The following IL1RAPL1 variants were observed in gnomAD, a reference collection of about 807,000 sequenced individuals.
IL1RAPL1 encodes interleukin-1 receptor accessory protein-like 1.
Under a neutral mutation model 48.4 loss-of-function variants are expected in IL1RAPL1, and 3 were observed. The ratio of observed to expected loss-of-function variants is 0.06; its 90% CI spans 0.03 to 0.16. IL1RAPL1 has a LOEUF of 0.16. IL1RAPL1 is among the 10% of genes least tolerant of loss of function. The probability of loss-of-function intolerance (pLI) is 1.00; values close to 1 mark genes in which losing one functional copy is unlikely to be tolerated. For synonymous variants in IL1RAPL1, 185 were observed against 187.7 expected (o/e 0.99, Z 0.12); for missense variants, 349 against 530.6 (o/e 0.66, Z 3.36).
chrX:29,267,144 C>T (rs969757781), intron 2 of IL1RAPL1, among the ~76,000 whole-genome samples: 3 of 112,208 alleles, frequency 2.7e-5, no homozygotes, highest in Admixed American at 9.5e-5. Context: ...TTTCACTATT[C>T]ACAGTGTTAA....
intron 2 of IL1RAPL1, among the ~76,000 whole-genome samples, chrX:29,184,313 T>C (rs1486472685): frequency 4.5e-5 from 5 of 111,399 alleles, no homozygotes; most frequent in African/African-American, 1.6e-4. Flanking sequence ...AAAGGCTTGA[T>C]GAGTGAATTA....
rs187257278 is a variant in IL1RAPL1 at position 28,645,340 on chromosome X, T to C, written c.-25+57293T>C. ...CCAGCCTGGGCAACAAGAGTGAAATTCCGCCTCAAAAAAAAAAAAAAAAAA... is the reference window on the plus strand; with the variant it reads ...CCAGCCTGGGCAACAAGAGTGAAATCCCGCCTCAAAAAAAAAAAAAAAAAA... On this transcript the variant is annotated intron_variant, in intron 1 of 10. Coordinates refer to ENST00000378993, the MANE Select transcript of IL1RAPL1 (RefSeq NM_014271.4). Among the ~76,000 whole-genome samples, 353 of 51,699 alleles carry C rather than the reference T, an allele frequency of 6.8e-3. 2 individuals carry two copies. The highest frequency in any genetic ancestry group is 0.028 in the African/African-American group (339 of 12,098). The allele number at this position is 51,699 out of a possible 115,157, so 44.9% of individuals were successfully genotyped here. A position where few individuals can be genotyped will look rare whatever the true frequency, so the allele number is the denominator to read the frequency against.
chrX:29,041,517 G>T (rs1926845871), intron 2 of IL1RAPL1, among the ~76,000 whole-genome samples: 1 of 111,950 alleles, frequency 8.9e-6, no homozygotes, highest in Non-Finnish European at 1.9e-5. Context: ...AAACGATGAT[G>T]TGTTGTTTTA....
At chrX:29,623,884 T>A (rs1488754175) in intron 5 of IL1RAPL1, among the ~76,000 whole-genome samples, 2 of 111,815 alleles carry the variant, frequency 1.8e-5, no homozygotes, top group Non-Finnish European at 3.8e-5. Context: ...TACATACAAT[T>A]GTCAGTGCTT....
At chrX:29,732,143 G>C (rs1465873041) in intron 6 of IL1RAPL1, among the ~76,000 whole-genome samples, 2 of 111,891 alleles carry the variant, frequency 1.8e-5, no homozygotes, top group African/African-American at 6.5e-5. Flanking sequence ...TAAGGCACAA[G>C]GAATGGCCTA....
intron 5 of IL1RAPL1, among the ~76,000 whole-genome samples, chrX:29,417,754 T>C (rs1934235300): frequency 1.8e-5 from 2 of 111,380 alleles, no homozygotes; most frequent in African/African-American, 3.3e-5. Flanking sequence ...TGTCTTCTGA[T>C]GGTAATGATA....
chrX:29,178,877 G>C (rs1405188290), intron 2 of IL1RAPL1, among the ~76,000 whole-genome samples: 32 of 111,576 alleles, frequency 2.9e-4, no homozygotes, highest in Admixed American at 2.9e-4. Context: ...GCTTGTTTTT[G>C]TCAGGTTTGT....
intron 6 of IL1RAPL1, among the ~76,000 whole-genome samples, chrX:29,800,701 T>G (rs1929853802): frequency 9.3e-6 from 1 of 107,897 alleles, no homozygotes; most frequent in Admixed American, 1.0e-4. Flanking sequence ...AAACTCATCT[T>G]TGGCCAGGCG....
At chrX:29,801,077 A>C (rs1361694398) in intron 6 of IL1RAPL1, among the ~76,000 whole-genome samples, 43 of 91,350 alleles carry the variant, frequency 4.7e-4, no homozygotes, top group African/African-American at 1.4e-3. Context: ...AAAAAAAAAA[A>C]AAACTCATCT....
rs148175586 is a variant in IL1RAPL1 at position 28,797,626 on chromosome X, A to G, written c.82+8201A>G. On this transcript the variant is annotated intron_variant, in intron 2 of 10. Transcript: ENST00000378993. ...TCCATCTCAGAACGCCTCAGCCCGG[A>G]CCTTATTGTTCATATCACTGTCAGC... is the stretch of plus-strand genomic sequence containing the variant. 5.1e-3 allele frequency among the ~76,000 whole-genome samples: 564 copies of G among 111,488 alleles called. 3 individuals are homozygous for G. Among genetic ancestry groups the G allele is most frequent in the African/African-American group, 0.017 (530 of 30,651 alleles).
At position 29,562,407 on chromosome X, in the gene IL1RAPL1, G is replaced by A. The variant is rs759350144; in HGVS notation, c.704-106023G>A. The stretch of plus-strand genomic sequence containing the variant: ...ATTGAAGAGAGACACTAGAAGGATG[G>A]ACATTTTTGGAATGTTTAACAAGTC... On this transcript the variant is annotated intron_variant, in intron 5 of 10. Transcript: ENST00000378993. Among the ~76,000 whole-genome samples, 3 of 111,009 alleles carry A rather than the reference G, an allele frequency of 2.7e-5. No individual in the cohort carries two copies. The South Asian group carries it at 1.1e-3, about 42-fold the overall frequency.
chrX:29,463,806 G>C (rs1031358268), intron 5 of IL1RAPL1, among the ~76,000 whole-genome samples: 4 of 111,384 alleles, frequency 3.6e-5, no homozygotes, highest in Admixed American at 1.9e-4. Flanking sequence ...GCTTCTACTT[G>C]GTTCTGTCTA....
chrX:29,576,908 A>AAT (rs397750002), intron 5 of IL1RAPL1, among the ~76,000 whole-genome samples: 5 of 111,083 alleles, frequency 4.5e-5, no homozygotes, highest in African/African-American at 1.6e-4. Context: ...ACAAAAAAAA[A>AAT]ATCCTCAGTA....
intron 2 of IL1RAPL1, among the ~76,000 whole-genome samples, chrX:28,914,383 C>T (rs1336662128): frequency 9.0e-6 from 1 of 111,549 alleles, no homozygotes; most frequent in Non-Finnish European, 1.9e-5. Flanking sequence ...TAGCCATCTA[C>T]CATTGAATAA....
intron 6 of IL1RAPL1, among the ~76,000 whole-genome samples, chrX:29,840,470 T>TA (rs760291982): frequency 8.9e-6 from 1 of 112,204 alleles, no homozygotes; most frequent in African/African-American, 3.2e-5. Context: ...AAACCCATTT[T>TA]AAAAAATCCC....
chrX:28,770,736 G>T lies in IL1RAPL1; in HGVS notation c.-24-18584G>T, dbSNP rs141198837. Among the ~76,000 whole-genome samples the T allele has an allele frequency of 2.6e-3, 294 of 112,089 alleles. 1 individual carries two copies. Among genetic ancestry groups the T allele is most frequent in the Non-Finnish European group, 4.2e-3 (226 of 53,237 alleles). On this transcript the variant is annotated intron_variant, in intron 1 of 10. Coordinates refer to ENST00000378993, the MANE Select transcript of IL1RAPL1 (RefSeq NM_014271.4). The stretch of plus-strand genomic sequence containing the variant: ...GAATTGTGAATGATGCATTTGATTG[G>T]TATGTTAAAGCTATCCTTTGTATGC...
intron 6 of IL1RAPL1, among the ~76,000 whole-genome samples, chrX:29,838,837 G>A (rs1178846413): frequency 8.9e-6 from 1 of 111,920 alleles, no homozygotes; most frequent in East Asian, 2.8e-4. Context: ...GGTTCTTCTG[G>A]TTTAGGCCAG....
Position 28,669,078 on chromosome X carries a change from A to G in IL1RAPL1, c.-25+81031A>G, listed in dbSNP as rs1031957206. Among the ~76,000 whole-genome samples the G allele has an allele frequency of 4.5e-5, 5 of 111,537 alleles. No individual in the cohort carries two copies. In the South Asian group the frequency reaches 1.5e-3, roughly 34 times the overall value. On this transcript the variant is annotated intron_variant, in intron 1 of 10. Coordinates refer to ENST00000378993, the MANE Select transcript of IL1RAPL1 (RefSeq NM_014271.4). ...AACTTATAAAAATTGCCCTCATCTG[A>G]TATGTTGAACAAAGATGGACTTTGT...
At chrX:28,893,472 G>A (rs746406201) in intron 2 of IL1RAPL1, among the ~76,000 whole-genome samples, 2 of 111,478 alleles carry the variant, frequency 1.8e-5, no homozygotes, top group Non-Finnish European at 3.8e-5. Context: ...AGAAATGACC[G>A]TGGTGGCCTT....
Sources: gnomAD v4.1 joint callset for allele counts (sites outside exome capture counted in the v4.1 genomes callset) on GRCh38, gnomAD v4.1.1 for gene constraint, MANE v1.5 for transcripts, NCBI Gene and HGNC (gene_info 2026-07-23, HGNC 2026-07-21) for gene names.